The following WWOX variants were observed in gnomAD, a reference collection of about 807,000 sequenced individuals.
The protein encoded by WWOX is WW domain containing oxidoreductase.
Under a neutral mutation model 46.2 loss-of-function variants are expected in WWOX, and 69 were observed. The observed-to-expected ratio is 1.49, with a 90% confidence interval of 1.23 to 1.82. The LOEUF (loss-of-function observed/expected upper bound fraction) is 1.82. Among genes scored for constraint, WWOX ranks in the 40% most tolerant of loss-of-function variants. The pLI is 0.00. For missense variants in WWOX, 919 were observed against 542.6 expected, an observed-to-expected ratio of 1.69 and a Z score of -6.89; for synonymous variants, 359 against 202.6, an observed-to-expected ratio of 1.77 and a Z score of -6.56.
chr16:78,891,176 T>A (rs973273581), intron 8 of WWOX: 16 of 152,192 alleles, frequency 1.1e-4, no homozygotes, highest in African/African-American at 3.4e-4. Context: ...GCCCCTTCTT[T>A]CATATACCCT....
In WWOX at chr16:78,432,742, C is replaced by T; in HGVS notation, c.1046C>T (p.Thr349Ile). Reference sequence around the variant, plus strand: ...CTGTTTACCTTGGCGAGGCCTTTCACCAAGTCCATGGTAAGAGAACAGCTT... The same window carrying T: ...CTGTTTACCTTGGCGAGGCCTTTCATCAAGTCCATGGTAAGAGAACAGCTT... ...TLLFTLARPFTKSMQQGAATT... is the reference protein window; with the variant it reads ...TLLFTLARPFIKSMQQGAATT... The change falls in exon 8 of 9, where the codon ACC (threonine) becomes ATC (isoleucine). Residue 349 changes from threonine (T) to isoleucine (I), a missense_variant. Thr to Ile is a moderately conservative substitution (Grantham distance 89). Coordinates refer to ENST00000566780, the MANE Select transcript of WWOX (RefSeq NM_016373.4). 1 of 1,614,208 alleles carries T rather than the reference C, an allele frequency of 6.2e-7. No individual in the cohort carries two copies. Among genetic ancestry groups the T allele is most frequent in the Non-Finnish European group, 8.5e-7 (1 of 1,180,046 alleles).
At chr16:78,391,040 G>C (rs1481961089) in intron 6 of WWOX, among the ~76,000 whole-genome samples, 1 of 152,176 alleles carries the variant, frequency 6.6e-6, no homozygotes, top group African/African-American at 2.4e-5. Flanking sequence ...ATATTGTGTA[G>C]TCTTAGAGCA....
At chr16:78,647,172 T>G (rs949424575) in intron 8 of WWOX, among the ~76,000 whole-genome samples, 1 of 152,116 alleles carries the variant, frequency 6.6e-6, no homozygotes, top group Non-Finnish European at 1.5e-5. Flanking sequence ...TGAATCAGCC[T>G]CTGGGAATCA....
intron 8 of WWOX, among the ~76,000 whole-genome samples, chr16:78,738,425 A>C (rs775051869): frequency 2.0e-5 from 3 of 152,170 alleles, no homozygotes; most frequent in Admixed American, 6.5e-5. Context: ...TACAAAGGAA[A>C]ATCTGGATTC....
chr16:78,875,156 G>A (rs1165362706), intron 8 of WWOX, among the ~76,000 whole-genome samples: 1 of 152,168 alleles, frequency 6.6e-6, no homozygotes, highest in African/African-American at 2.4e-5. Context: ...TTGAATTCAG[G>A]AATGTTGCAA....
intron 8 of WWOX, among the ~76,000 whole-genome samples, chr16:78,436,484 G>A (rs929208312): frequency 6.6e-6 from 1 of 152,206 alleles, no homozygotes; most frequent in Non-Finnish European, 1.5e-5. Context: ...GAAGACTGTG[G>A]AATATGTAGC....
chr16:78,348,242 C>T (rs1047875885), intron 5 of WWOX, among the ~76,000 whole-genome samples: 1 of 121,178 alleles, frequency 8.3e-6, no homozygotes, highest in African/African-American at 2.8e-5. Flanking sequence ...TGTACTGTGA[C>T]TGTAATAAAG....
chr16:79,052,960 G>T (rs1159347598), intron 8 of WWOX, among the ~76,000 whole-genome samples: 5 of 110,800 alleles, frequency 4.5e-5, no homozygotes, highest in African/African-American at 1.7e-4. Flanking sequence ...GTATGTTTGT[G>T]TATTTGGGGG....
chr16:79,062,672 A>C (rs2150551255), intron 8 of WWOX, among the ~76,000 whole-genome samples: 1 of 152,286 alleles, frequency 6.6e-6, no homozygotes, highest in African/African-American at 2.4e-5. Flanking sequence ...AAGAAGTGAC[A>C]GCTTCCTTTC....
At chr16:78,649,513 G>A (rs1413068608) in intron 8 of WWOX, among the ~76,000 whole-genome samples, 1 of 151,808 alleles carries the variant, frequency 6.6e-6, no homozygotes, top group Non-Finnish European at 1.5e-5. Context: ...CTGGCCTCAA[G>A]CGATCCTCCT....
intron 5 of WWOX, among the ~76,000 whole-genome samples, chr16:78,329,741 T>C (rs973593100): frequency 4.0e-5 from 6 of 151,894 alleles, no homozygotes; most frequent in Admixed American, 2.6e-4. Context: ...TGGTTTTTTC[T>C]TTTTCTTTCT....
chr16:79,011,883 G>C (rs2047317922), intron 8 of WWOX, among the ~76,000 whole-genome samples: 2 of 151,952 alleles, frequency 1.3e-5, no homozygotes, highest in East Asian at 1.9e-4. Flanking sequence ...TGAACTCATG[G>C]CCTCCAGTGA....
chr16:78,600,306 A>G (rs558477942), intron 8 of WWOX, among the ~76,000 whole-genome samples: 3 of 151,988 alleles, frequency 2.0e-5, no homozygotes, highest in Non-Finnish European at 4.4e-5. Flanking sequence ...CCTGTAGGTT[A>G]CCGTAAATAA....
chr16:78,590,886 C>G (rs1293072816), intron 8 of WWOX, among the ~76,000 whole-genome samples: 3 of 152,104 alleles, frequency 2.0e-5, no homozygotes, highest in African/African-American at 7.2e-5. Flanking sequence ...TTAGACAACA[C>G]CAGCTGCTAC....
At chr16:78,426,577 C>G (rs1269049315) in intron 7 of WWOX, among the ~76,000 whole-genome samples, 1 of 152,174 alleles carries the variant, frequency 6.6e-6, no homozygotes, top group African/African-American at 2.4e-5. Flanking sequence ...GGAGGCCTTC[C>G]TGAAATGTGT....
chr16:78,568,620 C>T (rs2044636770), intron 8 of WWOX, among the ~76,000 whole-genome samples: 1 of 151,936 alleles, frequency 6.6e-6, no homozygotes, highest in Admixed American at 6.6e-5. Flanking sequence ...GGATTACAGG[C>T]ACCCGCCGCC....
chr16:78,563,432 C>A (rs918338125), intron 8 of WWOX, among the ~76,000 whole-genome samples: 1 of 149,506 alleles, frequency 6.7e-6, no homozygotes, highest in East Asian at 2.0e-4. Flanking sequence ...ACAATAACAA[C>A]GTAGGAGGGA....
At chr16:79,082,095 A>G (rs2048770942) in intron 8 of WWOX, among the ~76,000 whole-genome samples, 1 of 152,194 alleles carries the variant, frequency 6.6e-6, no homozygotes, top group East Asian at 1.9e-4. Flanking sequence ...CAGCATCATC[A>G]ACTACATCCT....
chr16:78,124,148 T>C (rs982588667), intron 4 of WWOX: 1 of 152,132 alleles, frequency 6.6e-6, no homozygotes, highest in Non-Finnish European at 1.5e-5. Context: ...ACGAATATGC[T>C]ATATTATATA....
Sources: gnomAD v4.1 joint callset for allele counts (sites outside exome capture counted in the v4.1 genomes callset) on GRCh38, gnomAD v4.1.1 for gene constraint, MANE v1.5 for transcripts, NCBI Gene and HGNC (gene_info 2026-07-23, HGNC 2026-07-21) for gene names.